C8B: variants seen among roughly 807,000 people sequenced by gnomAD.
C8B encodes complement component C8 beta chain.
In C8B, 67 loss-of-function variants were observed where a neutral mutation model predicts 64.6. The ratio of observed to expected loss-of-function variants is 1.04; its 90% CI spans 0.85 to 1.27. The LOEUF is 1.27. C8B is among the 50% of genes most tolerant of loss of function. The pLI is 0.00. For synonymous variants in C8B, 284 were observed against 257.7 expected (o/e 1.10, Z -0.98); for missense variants, 790 against 725.2 (o/e 1.09, Z -1.03).
intron 1 of C8B, 137 bp from the exon 2 acceptor site, chr1:56,960,313 T>C: frequency 1.4e-6 from 1 of 732,656 alleles, no homozygotes; most frequent in South Asian, 1.6e-5. Context: ...CAGGATAACC[T>C]ATCCTGGAAT....
At chr1:56,943,898 A>G (rs2101400050) in intron 7 of C8B, 74 bp from the exon 8 acceptor site, 1 of 1,558,750 alleles carries the variant, frequency 6.4e-7, no homozygotes, top group Non-Finnish European at 8.8e-7. Context: ...GATCGAGTCC[A>G]GAGGCCTAGC....
chr1:56,957,114 G>T (rs937811818), intron 2 of C8B, among the ~76,000 whole-genome samples: 2 of 152,108 alleles, frequency 1.3e-5, no homozygotes, highest in African/African-American at 4.8e-5. Flanking sequence ...TTGCTGGATG[G>T]TTTCTTCAAT....
chr1:56,933,459 G>C lies in C8B; in HGVS notation c.1428C>G (p.Ala476=). ...CTGTGCTGGAATAGGCAAAATCTGT[G>C]GCTGTCACTAGTTCATACAGAGGCT... ...KVEPLYELVT[A]TDFAYSSTVR... Residue 476 remains alanine (A), a synonymous_variant, in exon 10 of 12, where the codon GCC becomes GCG. Coordinates refer to ENST00000371237, the MANE Select transcript of C8B (RefSeq NM_000066.4). 1.2e-6 allele frequency: 2 copies of C among 1,613,850 alleles called. No individual in the cohort carries two copies. The highest frequency in any genetic ancestry group is 2.2e-5 in the South Asian group (2 of 91,080).
rs202077631 is a variant in C8B at position 56,945,871 on chromosome 1, C to T, written c.1055G>A (p.Gly352Asp). 3 of 1,614,088 alleles carry T rather than the reference C, an allele frequency of 1.9e-6. No individual in the cohort carries two copies. Among genetic ancestry groups the T allele is most frequent in the East Asian group, 2.2e-5 (1 of 44,870 alleles). Residue 352 changes from glycine (G) to aspartate (D), a missense_variant, in exon 7 of 12, where the codon GGC becomes GAC. By Grantham distance (94) the Gly-to-Asp change is moderately conservative. Coordinates refer to ENST00000371237, the MANE Select transcript of C8B (RefSeq NM_000066.4). ...CATAACGAGGGTGTATTCATAAATG[C>T]CCCCAAGCACAGCCTCTGTGATGTA... ...THYITEAVLG[G>D]IYEYTLVMNK...
rs577506508 is a variant in C8B, at chr1:56,956,616, AT to A, written c.391+152del. Among the ~76,000 whole-genome samples, 64 of 152,198 alleles carry A rather than the reference AT, an allele frequency of 4.2e-4. 1 individual carries two copies. Among genetic ancestry groups the A allele is most frequent in the Non-Finnish European group, 7.9e-4 (54 of 68,030 alleles). ...TAAGGTGATTTTTATAAAATAATGC[AT>A]GTGAAAGGAGGTCAGAGATTTTAGG... is the stretch of plus-strand genomic sequence containing the variant. On this transcript the variant is annotated intron_variant, in intron 3 of 11. Coordinates refer to ENST00000371237, the MANE Select transcript of C8B (RefSeq NM_000066.4).
Position 56,964,513 on chromosome 1 carries a change from G to A in C8B, c.92+1344C>T, listed in dbSNP as rs543544005. 9.9e-5 allele frequency among the ~76,000 whole-genome samples: 15 copies of A among 152,262 alleles called. No individual in the cohort carries two copies. In the South Asian group the frequency reaches 3.1e-3, roughly 32 times the overall value. On this transcript the variant is annotated intron_variant, in intron 1 of 11. Coordinates refer to ENST00000371237, the MANE Select transcript of C8B (RefSeq NM_000066.4). ...ACACTCACGCACCGTTGCCTGTGCT[G>A]CTCCCTCTACCTGGCACACCTTTCA...
At chr1:56,954,979 T>C in intron 3 of C8B, 152 bp from the exon 4 acceptor site, 2 of 885,378 alleles carry the variant, frequency 2.3e-6, no homozygotes, top group South Asian at 2.8e-5. Context: ...AGATTGGTTA[T>C]GGCACTAACA....
At chr1:56,950,469 G>A (rs1266433703) in intron 5 of C8B, among the ~76,000 whole-genome samples, 1 of 152,180 alleles carries the variant, frequency 6.6e-6, no homozygotes, top group Admixed American at 6.5e-5. Context: ...TGTGTGTAGG[G>A]GAACTGCCAA....
chr1:56,962,476 C>A (rs561364541), intron 1 of C8B, among the ~76,000 whole-genome samples: 1 of 152,260 alleles, frequency 6.6e-6, no homozygotes, highest in South Asian at 2.1e-4. Context: ...ACAACATGAG[C>A]CTTTCACCCC....
chr1:56,932,751 C>T (rs1298009989), intron 10 of C8B, among the ~76,000 whole-genome samples: 2 of 152,204 alleles, frequency 1.3e-5, no homozygotes, highest in Non-Finnish European at 2.9e-5. Context: ...TTCCGTTGAG[C>T]TAACTTCATC....
At chr1:56,933,847 A>G (rs1644738165) in intron 9 of C8B, among the ~76,000 whole-genome samples, 1 of 152,216 alleles carries the variant, frequency 6.6e-6, no homozygotes, top group Non-Finnish European at 1.5e-5. Context: ...AAACTTGTAG[A>G]AAGAAGCAGG....
At chr1:56,944,531 G>A (rs528363678) in intron 7 of C8B, among the ~76,000 whole-genome samples, 13 of 152,200 alleles carry the variant, frequency 8.5e-5, no homozygotes, top group Admixed American at 6.5e-5. Context: ...AATCCCATGA[G>A]ATGGTAGCAG....
intron 8 of C8B, among the ~76,000 whole-genome samples, chr1:56,941,624 T>G (rs1644866060): frequency 6.6e-6 from 1 of 152,166 alleles, no homozygotes; most frequent in Non-Finnish European, 1.5e-5. Flanking sequence ...GATATTTTCT[T>G]TTACCAGATA....
In C8B at chr1:56,960,027, T is replaced by C. The variant is rs766734790; in HGVS notation, c.242A>G (p.Lys81Arg). 1.5e-5 allele frequency: 25 copies of C among 1,614,066 alleles called. No homozygotes were observed. The highest frequency in any genetic ancestry group is 4.0e-5 in the African/African-American group (3 of 74,924). ...SSWTTCDPCQ[K>R]KRYRYAYLLQ... ...CCAGGCCTGGTTGCTTACCCTTTTC[T>C]TCTGACAGGGGTCACATGTGGTCCA... The change falls in exon 2 of 12, where the codon AAG becomes AGG. Residue 81 changes from lysine (K) to arginine (R), a missense_variant. By Grantham distance (26) the Lys-to-Arg change is conservative. Coordinates refer to ENST00000371237, the MANE Select transcript of C8B (RefSeq NM_000066.4).
intron 1 of C8B, 35 bp downstream of exon 1, chr1:56,965,822 T>C (rs374298587): frequency 4.4e-6 from 7 of 1,604,070 alleles, no homozygotes; most frequent in Non-Finnish European, 6.0e-6. Flanking sequence ...CCTGTCATAT[T>C]ATTGATCAGG....
At position 56,946,056 on chromosome 1, in the gene C8B, G is replaced by C. The variant is rs771744350; in HGVS notation, c.870C>G (p.Ser290Arg). The change falls in exon 7 of 12, where the codon AGC (serine) becomes AGG (arginine). Residue 290 changes from serine (S) to arginine (R), a missense_variant. Physicochemically the swap from Ser to Arg is moderately radical, Grantham distance 110. Transcript: ENST00000371237. The part of the protein sequence containing the change: ...RRTKRFSHTK[S>R]VFLHARSDLE... ...GGTCAGAGCGTGCATGCAGAAATAC[G>C]CTTTTCTAAATGAAATACCAACATG... is the stretch of plus-strand genomic sequence containing the variant. The C allele has an allele frequency of 1.2e-6, 2 of 1,614,040 alleles. No individual in the cohort carries two copies. Among genetic ancestry groups the C allele is most frequent in the Non-Finnish European group, 1.7e-6 (2 of 1,179,988 alleles).
intron 4 of C8B, 46 bp downstream of exon 4, chr1:56,954,640 T>C (rs1330352675): frequency 6.2e-6 from 10 of 1,612,608 alleles, no homozygotes; most frequent in Non-Finnish European, 7.6e-6. Context: ...GAATTCCATT[T>C]AATGCTGTGC....
At chr1:56,948,115 G>A (rs1644969747) in intron 6 of C8B, among the ~76,000 whole-genome samples, 1 of 152,118 alleles carries the variant, frequency 6.6e-6, no homozygotes, top group Non-Finnish European at 1.5e-5. Flanking sequence ...CCTATAACTG[G>A]CAATTTGAAT....
chr1:56,959,530 T>C (rs1312653425), intron 2 of C8B: 3 of 1,470,274 alleles, frequency 2.0e-6, no homozygotes, highest in South Asian at 1.2e-5. Context: ...TCATCCTACC[T>C]GAGAAAGCAG....
Sources: allele counts gnomAD v4.1 joint callset (sites outside exome capture counted in the v4.1 genomes callset), GRCh38; gene constraint gnomAD v4.1.1; transcripts MANE v1.5; gene names NCBI Gene and HGNC (gene_info 2026-07-23, HGNC 2026-07-21).